Variants in MMP26 observed in about 807,000 individuals in gnomAD.
The protein encoded by MMP26 is matrix metallopeptidase 26.
Under a neutral mutation model 31.0 loss-of-function variants are expected in MMP26, and 33 were observed. The ratio of observed to expected loss-of-function variants is 1.06; its 90% CI spans 0.81 to 1.42. The LOEUF is 1.42. Ranked by LOEUF, MMP26 falls within the 40% of genes most tolerant of loss-of-function variation. The probability of loss-of-function intolerance (pLI) is 0.00; values close to 1 mark genes in which losing one functional copy is unlikely to be tolerated. For synonymous variants in MMP26, 122 were observed against 114.9 expected (o/e 1.06, Z -0.40); for missense variants, 347 against 316.1 (o/e 1.10, Z -0.74).
chr11:4,891,883 C>A (rs1850628902), intron 2 of MMP26, among the ~76,000 whole-genome samples: 3 of 152,036 alleles, frequency 2.0e-5, no homozygotes, highest in Admixed American at 1.3e-4. Context: ...TGCCTGGGAC[C>A]ATTTTTTCTC....
intron 2 of MMP26, among the ~76,000 whole-genome samples, chr11:4,905,555 T>A (rs1322175665): frequency 6.6e-6 from 1 of 152,176 alleles, no homozygotes; most frequent in Non-Finnish European, 1.5e-5. Flanking sequence ...CTCTTGCAAG[T>A]TGAAGTTTAA....
intron 2 of MMP26, chr11:4,923,717 G>T: frequency 1.2e-6 from 2 of 1,614,074 alleles, no homozygotes; most frequent in Non-Finnish European, 1.7e-6. Flanking sequence ...CACACCCACG[G>T]TGCAGGCCAC....
intron 2 of MMP26, among the ~76,000 whole-genome samples, chr11:4,921,303 C>A (rs1312640182): frequency 1.3e-5 from 2 of 152,108 alleles, no homozygotes; most frequent in Non-Finnish European, 2.9e-5. Context: ...CTCAGTCTAG[C>A]AAAGAGAGAG....
At chr11:4,749,033 C>A (rs1848415529) in intron 1 of MMP26, among the ~76,000 whole-genome samples, 1 of 151,826 alleles carries the variant, frequency 6.6e-6, no homozygotes, top group African/African-American at 2.4e-5. Flanking sequence ...TGATCATATA[C>A]CTAGAAAATT....
At chr11:4,800,231 G>T (rs542438133) in intron 2 of MMP26, among the ~76,000 whole-genome samples, 24 of 152,206 alleles carry the variant, frequency 1.6e-4, no homozygotes, top group Admixed American at 9.2e-4. Context: ...AGGCACTCAG[G>T]CTTTCCAGTA....
chr11:4,734,279 C>T (rs190757989), intron 1 of MMP26, among the ~76,000 whole-genome samples: 46 of 152,268 alleles, frequency 3.0e-4, no homozygotes, highest in African/African-American at 1.0e-3. Context: ...ACTGAATCAT[C>T]TAGGTCCATG....
chr11:4,831,422 A>G (rs1228977696), intron 2 of MMP26, among the ~76,000 whole-genome samples: 1 of 152,222 alleles, frequency 6.6e-6, no homozygotes, highest in Non-Finnish European at 1.5e-5. Flanking sequence ...TTTTGAGCCT[A>G]TCTTTTTCTG....
At chr11:4,911,078 C>A (rs1466362949) in intron 2 of MMP26, among the ~76,000 whole-genome samples, 1 of 152,112 alleles carries the variant, frequency 6.6e-6, no homozygotes, top group African/African-American at 2.4e-5. Context: ...AAATACGAAA[C>A]CTGCAGTCAC....
chr11:4,880,027 C>T (rs1850436412), intron 2 of MMP26, among the ~76,000 whole-genome samples: 1 of 152,082 alleles, frequency 6.6e-6, no homozygotes, highest in African/African-American at 2.4e-5. Flanking sequence ...AGGGCTAGGG[C>T]TCTTCTCCCA....
intron 2 of MMP26, chr11:4,848,550 A>C: frequency 6.2e-7 from 1 of 1,612,306 alleles, no homozygotes; most frequent in East Asian, 2.2e-5. Flanking sequence ...GAAGAAAATA[A>C]GCAGGGGGTC....
Position 4,857,103 on chromosome 11 carries a change from G to T in MMP26, c.-145+89762G>T, listed in dbSNP as rs186148848. 8.7e-3 allele frequency among the ~76,000 whole-genome samples: 1,331 copies of T among 152,164 alleles called. 27 individuals carry two copies. Among genetic ancestry groups the T allele is most frequent in the African/African-American group, 0.029 (1,212 of 41,500 alleles). Reference sequence around the variant, plus strand: ...TAGAGGGAAATTTATAGCACTAAATGCCCACAAGAGAAAGCAGGAAAGATC... The same window carrying T: ...TAGAGGGAAATTTATAGCACTAAATTCCCACAAGAGAAAGCAGGAAAGATC... On this transcript the variant is annotated intron_variant, in intron 2 of 7. Coordinates refer to ENST00000380390, the MANE Select transcript of MMP26 (RefSeq NM_021801.5).
At chr11:4,884,080 G>A (rs911203752) in intron 2 of MMP26, among the ~76,000 whole-genome samples, 12 of 151,962 alleles carry the variant, frequency 7.9e-5, no homozygotes, top group Admixed American at 2.0e-4. Flanking sequence ...ATTTTGCTTC[G>A]CTTGGGCTCC....
intron 2 of MMP26, among the ~76,000 whole-genome samples, chr11:4,825,255 G>T (rs1262207586): frequency 1.3e-5 from 2 of 152,156 alleles, no homozygotes; most frequent in Admixed American, 6.6e-5. Flanking sequence ...TCACTCAAAT[G>T]TCAACATTCC....
chr11:4,914,727 A>G (rs374326122), intron 2 of MMP26: 3 of 1,607,930 alleles, frequency 1.9e-6, no homozygotes, highest in African/African-American at 1.3e-5. Context: ...AGTTAGTAAC[A>G]AAAGGCATGC....
intron 2 of MMP26, among the ~76,000 whole-genome samples, chr11:4,942,089 C>CAAAAAAAAAAAAAAAAAAACAA (rs1846217089): frequency 2.7e-5 from 1 of 37,122 alleles, no homozygotes; most frequent in Non-Finnish European, 5.2e-5. Flanking sequence ...GAGTCCATCT[C>CAAAAAAAAAAAAAAAAAAACAA]AAAAAAAAAA....
At chr11:4,929,078 T>C (rs1162546924) in intron 2 of MMP26, among the ~76,000 whole-genome samples, 1 of 152,168 alleles carries the variant, frequency 6.6e-6, no homozygotes, top group Non-Finnish European at 1.5e-5. Flanking sequence ...AACTACTAGC[T>C]ACAAGTAGTC....
At chr11:4,870,187 G>A (rs1350914634) in intron 2 of MMP26, among the ~76,000 whole-genome samples, 4 of 152,074 alleles carry the variant, frequency 2.6e-5, no homozygotes, top group Non-Finnish European at 5.9e-5. Flanking sequence ...AAACCTGCTC[G>A]TTGTGCACTT....
chr11:4,852,025 A>G (rs932249081), intron 2 of MMP26, among the ~76,000 whole-genome samples: 1 of 152,182 alleles, frequency 6.6e-6, no homozygotes, highest in Admixed American at 6.5e-5. Flanking sequence ...AAAGCAAGTT[A>G]TAACTATATT....
chr11:4,886,663 G>A, intron 2 of MMP26, among the ~76,000 whole-genome samples: 1 of 124,584 alleles, frequency 8.0e-6, no homozygotes, highest in Non-Finnish European at 2.0e-5. Context: ...AAAAGTGCAA[G>A]AATTCCAAGA....
Sources: allele counts gnomAD v4.1 joint callset (sites outside exome capture counted in the v4.1 genomes callset), GRCh38; gene constraint gnomAD v4.1.1; transcripts MANE v1.5; gene names NCBI Gene and HGNC (gene_info 2026-07-23, HGNC 2026-07-21).